The following ADARB2 variants were observed in gnomAD, a reference collection of about 807,000 sequenced individuals.
ADARB2 encodes inactive double-stranded RNA-specific editase B2.
ADARB2 carries 25 observed loss-of-function variants against 62.2 expected under a neutral mutation model. The ratio of observed to expected loss-of-function variants is 0.40; its 90% CI spans 0.29 to 0.56. ADARB2 has a LOEUF of 0.56. ADARB2 is among the 20% of genes least tolerant of loss of function. The pLI, the probability that ADARB2 is intolerant of heterozygous loss-of-function variation, is 0.43. For synonymous variants in ADARB2, 572 were observed against 500.8 expected, an observed-to-expected ratio of 1.14 and a Z score of -1.90; for missense variants, 1,071 against 1,077.4, an observed-to-expected ratio of 0.99 and a Z score of 0.08.
At chr10:1,192,028 G>A (rs769487767) in intron 8 of ADARB2, among the ~76,000 whole-genome samples, 17 of 152,212 alleles carry the variant, frequency 1.1e-4, no homozygotes, top group Non-Finnish European at 2.5e-4. Flanking sequence ...ATGAAAGTGA[G>A]TTTTACTGTG....
chr10:1,414,212 T>C (rs1017359125), intron 1 of ADARB2, among the ~76,000 whole-genome samples: 3 of 152,310 alleles, frequency 2.0e-5, no homozygotes, highest in African/African-American at 7.2e-5. Context: ...AGCACTTAGC[T>C]GATGGGCAGA....
At chr10:1,562,251 G>T (rs995214235) in intron 1 of ADARB2, among the ~76,000 whole-genome samples, 1 of 151,992 alleles carries the variant, frequency 6.6e-6, no homozygotes, top group Non-Finnish European at 1.5e-5. Flanking sequence ...CTGTGAGCGT[G>T]TTCGGCTCAT....
intron 1 of ADARB2, among the ~76,000 whole-genome samples, chr10:1,467,285 C>T (rs564914925): frequency 6.6e-6 from 1 of 152,304 alleles, no homozygotes; most frequent in East Asian, 1.9e-4. Context: ...GAAAAGGCAT[C>T]GCTGTTCTTC....
At chr10:1,494,580 T>G (rs947814390) in intron 1 of ADARB2, among the ~76,000 whole-genome samples, 2 of 152,200 alleles carry the variant, frequency 1.3e-5, no homozygotes, top group East Asian at 1.9e-4. Flanking sequence ...ATTTTCAGCT[T>G]GGCAGAACAT....
chr10:1,663,273 T>G (rs2119091362), intron 1 of ADARB2, among the ~76,000 whole-genome samples: 1 of 152,186 alleles, frequency 6.6e-6, no homozygotes, highest in East Asian at 1.9e-4. Context: ...TGATTACGAC[T>G]GATGAAGCAG....
At chr10:1,482,470 A>G (rs73580363) in intron 1 of ADARB2, among the ~76,000 whole-genome samples, 7,455 of 152,276 alleles carry the variant, frequency 0.049, 607 homozygotes, top group African/African-American at 0.17. Flanking sequence ...TGAGGGACTG[A>G]GAGTTGTCAA....
At position 1,520,559 on chromosome 10, in the gene ADARB2, A is replaced by G. The variant is rs570287384; in HGVS notation, c.101-141399T>C. Reference sequence around the variant, plus strand: ...GATGATAACTAAATCATTTAGGCCAATTAATTAATAGATGTAGGGAACATT... The same window carrying G: ...GATGATAACTAAATCATTTAGGCCAGTTAATTAATAGATGTAGGGAACATT... On this transcript the variant is annotated intron_variant, in intron 1 of 9. Transcript: ENST00000381312. Among the ~76,000 whole-genome samples the G allele has an allele frequency of 1.2e-4, 18 of 152,338 alleles. No homozygotes were observed. The East Asian group carries it at 2.7e-3, about 23-fold the overall frequency.
intron 2 of ADARB2, among the ~76,000 whole-genome samples, chr10:1,366,560 G>A (rs1424097676): frequency 6.6e-6 from 1 of 152,154 alleles, no homozygotes; most frequent in Non-Finnish European, 1.5e-5. Context: ...ATTAATGTCC[G>A]ATTTTCTCAG....
At chr10:1,195,103 C>T (rs924314407) in intron 8 of ADARB2, among the ~76,000 whole-genome samples, 2 of 152,216 alleles carry the variant, frequency 1.3e-5, no homozygotes, top group African/African-American at 2.4e-5. Flanking sequence ...CTTAGCCTCC[C>T]GTGGGTGCTG....
intron 3 of ADARB2, among the ~76,000 whole-genome samples, chr10:1,351,213 T>C (rs1232826220): frequency 2.0e-5 from 3 of 152,198 alleles, no homozygotes; most frequent in Non-Finnish European, 2.9e-5. Flanking sequence ...GCTTAGCGCT[T>C]GAAGACTGAC....
Position 1,311,974 on chromosome 10 carries a change from C to T in ADARB2, c.1078-40905G>A, listed in dbSNP as rs72762931. On this transcript the variant is annotated intron_variant, in intron 3 of 9. Coordinates refer to ENST00000381312, the MANE Select transcript of ADARB2 (RefSeq NM_018702.4). ...AGCAGCCTAATCCTCCTGGTACCTGCGGACTCAGGATGGAATCTTTAATTA... is the reference window on the plus strand; with the variant it reads ...AGCAGCCTAATCCTCCTGGTACCTGTGGACTCAGGATGGAATCTTTAATTA... 8.1e-3 allele frequency among the ~76,000 whole-genome samples: 1,230 copies of T among 152,298 alleles called. 9 individuals are homozygous for T. Among genetic ancestry groups the T allele is most frequent in the Admixed American group, 0.018 (273 of 15,308 alleles).
chr10:1,515,364 AG>A, intron 1 of ADARB2, among the ~76,000 whole-genome samples: 1 of 152,356 alleles, frequency 6.6e-6, no homozygotes, highest in Non-Finnish European at 1.5e-5. Context: ...AGGTGAGCAC[AG>A]CACGTCTGTT....
intron 1 of ADARB2, among the ~76,000 whole-genome samples, chr10:1,717,156 CT>C (rs397969884): frequency 0.015 from 966 of 63,274 alleles, 12 homozygotes; most frequent in African/African-American, 0.05. Context: ...TTGTAGTGTG[CT>C]TTTTTTTTTT....
At chr10:1,491,268 C>T (rs1389465268) in intron 1 of ADARB2, among the ~76,000 whole-genome samples, 1 of 152,066 alleles carries the variant, frequency 6.6e-6, no homozygotes, top group Admixed American at 6.6e-5. Context: ...CAGGGTTGTG[C>T]CACGTTGCCC....
chr10:1,268,706 CAG>C (rs1295387826), intron 4 of ADARB2, among the ~76,000 whole-genome samples: 1 of 152,022 alleles, frequency 6.6e-6, no homozygotes, highest in East Asian at 1.9e-4. Context: ...TTTTTAAAAT[CAG>C]TGTTTGTCTC....
At chr10:1,672,466 C>T (rs1172415166) in intron 1 of ADARB2, among the ~76,000 whole-genome samples, 4 of 152,334 alleles carry the variant, frequency 2.6e-5, no homozygotes, top group Non-Finnish European at 5.9e-5. Context: ...AAAATCCCTC[C>T]GCCAGGAAGG....
Position 1,332,417 on chromosome 10 carries a change from G to GAAA in ADARB2, c.1077+30608_1077+30610dup, listed in dbSNP as rs59497955. Among the ~76,000 whole-genome samples the GAAA allele has an allele frequency of 6.1e-4, 66 of 108,144 alleles. 1 individual carries two copies. Among genetic ancestry groups the GAAA allele is most frequent in the Admixed American group, 1.1e-3 (10 of 9,320 alleles). The allele number at this position is 108,144 out of a possible 152,430, so 70.9% of individuals were successfully genotyped here. On this transcript the variant is annotated intron_variant, in intron 3 of 9. Transcript: ENST00000381312. Reference sequence around the variant, plus strand: ...GGTGATGGAGTGAGACCTTGTCTCAGAAAAAAAAAAAAAATAAATAAAAAA... The same window carrying GAAA: ...GGTGATGGAGTGAGACCTTGTCTCAGAAAAAAAAAAAAAAAAATAAATAAAAAA...
chr10:1,370,203 A>G (rs1390158938), intron 2 of ADARB2, among the ~76,000 whole-genome samples: 1 of 152,250 alleles, frequency 6.6e-6, no homozygotes, highest in African/African-American at 2.4e-5. Flanking sequence ...AACAAAAAAC[A>G]TAGGGTCATC....
At chr10:1,609,838 C>T (rs1268120109) in intron 1 of ADARB2, among the ~76,000 whole-genome samples, 1 of 152,218 alleles carries the variant, frequency 6.6e-6, no homozygotes, top group Non-Finnish European at 1.5e-5. Context: ...ATCACCTCTC[C>T]AGGTGTCTGG....
Sources: allele counts gnomAD v4.1 joint callset (sites outside exome capture counted in the v4.1 genomes callset), GRCh38; gene constraint gnomAD v4.1.1; transcripts MANE v1.5; gene names NCBI Gene and HGNC (gene_info 2026-07-23, HGNC 2026-07-21).